Variants in EML6 observed in about 807,000 individuals in gnomAD.
EML6 encodes the protein echinoderm microtubule-associated protein-like 6.
A neutral mutation model predicts 240.1 loss-of-function variants in EML6; 154 were observed. The ratio of observed to expected loss-of-function variants is 0.64; its 90% CI spans 0.56 to 0.73. EML6 has a LOEUF of 0.73. Among genes scored for constraint, EML6 ranks in the 30% least tolerant of loss-of-function variants. The pLI is 0.00. For synonymous variants in EML6, 1,148 were observed against 899.0 expected (o/e 1.28, Z -4.95); for missense variants, 2,964 against 2,474.6 (o/e 1.20, Z -4.20).
rs17521852 is a variant in EML6 at position 54,769,476 on chromosome 2, A to C, written c.198-43756A>C. On this transcript the variant is annotated intron_variant, in intron 2 of 41. Coordinates refer to ENST00000356458, the MANE Select transcript of EML6 (RefSeq NM_001039753.4). ...ATACATGCTCACTGTAAGACATTGA[A>C]AACTACTGAAGCATATACATTTAAA... Among the ~76,000 whole-genome samples the C allele has an allele frequency of 2.0e-5, 3 of 152,296 alleles. No individual in the cohort carries two copies. In the East Asian group the frequency reaches 5.8e-4, roughly 29 times the overall value.
intron 25 of EML6, among the ~76,000 whole-genome samples, chr2:54,915,519 C>T (rs979069834): frequency 1.3e-5 from 2 of 152,098 alleles, no homozygotes; most frequent in African/African-American, 2.4e-5. Context: ...GGGGGAACCA[C>T]CTTGAGTCAC....
At chr2:54,890,246 A>T (rs1011327837) in intron 17 of EML6, among the ~76,000 whole-genome samples, 1 of 152,136 alleles carries the variant, frequency 6.6e-6, no homozygotes, top group African/African-American at 2.4e-5. Context: ...ATTGTTTTTA[A>T]TATGCTTTCA....
intron 24 of EML6, among the ~76,000 whole-genome samples, chr2:54,907,424 C>T (rs1402434782): frequency 6.6e-6 from 1 of 152,170 alleles, no homozygotes; most frequent in Admixed American, 6.5e-5. Context: ...AGGAGAATCG[C>T]TTGAACCGGG....
At position 54,961,184 on chromosome 2, in the gene EML6, GTTTTTT is replaced by G. The variant is rs575621987; in HGVS notation, c.4968+864_4968+869del. ...GGAGCCTGGAAGTTATCAGGAAGTA[GTTTTTT>G]TTTTTTTTTTTTTGAGACGGAGTCT... is the stretch of plus-strand genomic sequence containing the variant. On this transcript the variant is annotated intron_variant, in intron 35 of 41. Coordinates refer to ENST00000356458, the MANE Select transcript of EML6 (RefSeq NM_001039753.4). Among the ~76,000 whole-genome samples the G allele has an allele frequency of 3.6e-5, 2 of 55,424 alleles. 1 individual carries two copies. Among genetic ancestry groups the G allele is most frequent in the Non-Finnish European group, 6.3e-5 (2 of 31,670 alleles). 36.4% of individuals were successfully genotyped at this position (55,424 alleles called of 152,430 possible).
In EML6 at chr2:54,962,647, C is replaced by G. The variant is rs1009415089; in HGVS notation, c.5093C>G (p.Ser1698Cys). Reference protein sequence around the residue: ...GEIWGLATHPSKDLFISASND... With the variant: ...GEIWGLATHPCKDLFISASND... ...ATCTGGGGCCTGGCCACTCACCCTT[C>G]CAAGGACCTCTTCATCTCTGCCAGC... is the stretch of plus-strand genomic sequence containing the variant. Residue 1698 changes from serine (S) to cysteine (C), a missense_variant, in exon 36 of 42, where the codon TCC (serine) becomes TGC (cysteine). Transcript: ENST00000356458. The G allele has an allele frequency of 8.7e-5, 134 of 1,539,696 alleles. No individual in the cohort carries two copies. Among genetic ancestry groups the G allele is most frequent in the Non-Finnish European group, 1.1e-4 (128 of 1,141,460 alleles).
intron 13 of EML6, 29 bp downstream of exon 13, chr2:54,863,918 G>A (rs1443307729): frequency 1.6e-6 from 2 of 1,259,190 alleles, no homozygotes. Flanking sequence ...ATGAAAATTT[G>A]TAACCCCAGA....
At chr2:54,863,180 A>T (rs1474508111) in intron 12 of EML6, among the ~76,000 whole-genome samples, 1 of 152,242 alleles carries the variant, frequency 6.6e-6, no homozygotes, top group Non-Finnish European at 1.5e-5. Context: ...GGGCATGGTT[A>T]AAAGGCTAAA....
At chr2:54,878,801 T>C (rs1671658969) in intron 16 of EML6, among the ~76,000 whole-genome samples, 1 of 152,210 alleles carries the variant, frequency 6.6e-6, no homozygotes, top group Non-Finnish European at 1.5e-5. Context: ...GTTCATGATA[T>C]AATAGATGAA....
intron 26 of EML6, among the ~76,000 whole-genome samples, chr2:54,925,647 A>G (rs1674504441): frequency 6.6e-6 from 1 of 152,136 alleles, no homozygotes. Flanking sequence ...TCCCAATTAG[A>G]TCATTAGTGC....
At chr2:54,922,933 CTTT>C (rs36078208) in intron 26 of EML6, among the ~76,000 whole-genome samples, 1,742 of 73,858 alleles carry the variant, frequency 0.024, 15 homozygotes, top group Middle Eastern at 0.059. Flanking sequence ...AGGGTATAAA[CTTT>C]TTTTTTTTTT....
intron 2 of EML6, among the ~76,000 whole-genome samples, chr2:54,734,940 C>T (rs997843251): frequency 4.6e-5 from 7 of 152,322 alleles, no homozygotes; most frequent in African/African-American, 1.4e-4. Context: ...ATGATCTTCT[C>T]CCTGGCTTCT....
chr2:54,939,083 G>A (rs4377364), intron 28 of EML6, among the ~76,000 whole-genome samples: 110,295 of 152,194 alleles, frequency 0.72, 40,547 homozygotes, highest in East Asian at 0.84. Context: ...ATGAATAAAT[G>A]GATTCCTTAA....
chr2:54,873,059 G>C (rs75788231), intron 16 of EML6, among the ~76,000 whole-genome samples: 1 of 152,180 alleles, frequency 6.6e-6, no homozygotes, highest in Non-Finnish European at 1.5e-5. Context: ...TAAAAAAAGT[G>C]AATGACTAAA....
intron 17 of EML6, chr2:54,882,507 A>G (rs1671870432): frequency 6.6e-6 from 1 of 152,124 alleles, no homozygotes; most frequent in African/African-American, 2.4e-5. Flanking sequence ...CTTGGACAAA[A>G]AAGAATTATC....
At chr2:54,871,658 C>G (rs947691079) in intron 16 of EML6, 53 bp downstream of exon 16, 7 of 1,291,330 alleles carry the variant, frequency 5.4e-6, no homozygotes, top group African/African-American at 2.9e-5. Context: ...GAGAGAGACA[C>G]AGAGAGAGTA....
At chr2:54,872,666 T>C (rs1448442557) in intron 16 of EML6, among the ~76,000 whole-genome samples, 3 of 152,216 alleles carry the variant, frequency 2.0e-5, no homozygotes, top group African/African-American at 7.2e-5. Context: ...CTTAGCAGCA[T>C]TTTTAACCCA....
At position 54,816,876 on chromosome 2, in the gene EML6, T is replaced by C. The variant is rs769549311; in HGVS notation, c.447T>C (p.His149=). The part of the protein sequence containing the change: ...KGKLLASATG[H]SDRIFDISWD... ...AACTTCTGGCGTCAGCCACCGGCCA[T>C]TCTGACAGGGTAAGAACTTGTTGGA... The change falls in exon 4 of 42, where the codon CAT becomes CAC. Residue 149 remains histidine (H), a synonymous_variant. Transcript: ENST00000356458. The C allele has an allele frequency of 1.3e-6, 2 of 1,550,242 alleles. No homozygotes were observed. The highest frequency in any genetic ancestry group is 2.7e-5 in the African/African-American group (2 of 73,042).
chr2:54,947,309 G>T (rs190161176), intron 28 of EML6, among the ~76,000 whole-genome samples: 2 of 152,268 alleles, frequency 1.3e-5, no homozygotes, highest in Admixed American at 6.5e-5. Context: ...CATGCCCCCA[G>T]TCTCCCGATT....
intron 30 of EML6, among the ~76,000 whole-genome samples, chr2:54,951,696 C>G (rs1370694979): frequency 7.7e-5 from 6 of 77,788 alleles, no homozygotes; most frequent in Non-Finnish European, 1.8e-4. Flanking sequence ...TTTGCTCATG[C>G]CTCAAGAAAA....
Sources: allele counts gnomAD v4.1 joint callset (sites outside exome capture counted in the v4.1 genomes callset), GRCh38; gene constraint gnomAD v4.1.1; transcripts MANE v1.5; gene names NCBI Gene and HGNC (gene_info 2026-07-23, HGNC 2026-07-21).